Variants in EVL observed in about 807,000 individuals in gnomAD.
EVL encodes ena/VASP-like protein.
A neutral mutation model predicts 59.6 loss-of-function variants in EVL; 21 were observed. The observed-to-expected ratio is 0.35, with a 90% confidence interval of 0.25 to 0.51. The LOEUF is 0.51. Among genes scored for constraint, EVL ranks in the 20% least tolerant of loss-of-function variants. EVL has a pLI of 0.97. For missense variants in EVL, 462 were observed against 546.6 expected (o/e 0.85, Z 1.54); for synonymous variants, 198 against 203.5 (o/e 0.97, Z 0.23).
chr14:100,067,232 C>G (rs2061949753), intron 1 of EVL, among the ~76,000 whole-genome samples: 1 of 152,194 alleles, frequency 6.6e-6, no homozygotes, highest in Non-Finnish European at 1.5e-5. Context: ...GAGCTGTGAA[C>G]TTTTCGTTTT....
At chr14:100,006,009 T>TC (rs58699616) in intron 1 of EVL, among the ~76,000 whole-genome samples, 3,638 of 114,460 alleles carry the variant, frequency 0.032, 109 homozygotes, top group South Asian at 0.052. Context: ...GCTGGCCATT[T>TC]CCCCCCCCCC....
In EVL at chr14:100,114,300, G is replaced by A. The variant is rs1444445535; in HGVS notation, c.359-9239G>A. ...CTCTGCACACTTGCTCCCTTCTGACGCCACACCTACCCTGTTCCATCCCAT... is the reference window on the plus strand; with the variant it reads ...CTCTGCACACTTGCTCCCTTCTGACACCACACCTACCCTGTTCCATCCCAT... On this transcript the variant is annotated intron_variant, in intron 3 of 13. Coordinates refer to ENST00000392920, the MANE Select transcript of EVL (RefSeq NM_016337.3). The surrounding 1 kb of genome is among the most constrained non-coding windows in gnomAD (Gnocchi z 5.0). Among the ~76,000 whole-genome samples the A allele has an allele frequency of 6.6e-6, 1 of 152,002 alleles. No homozygotes were observed. The highest frequency in any genetic ancestry group is 2.4e-5 in the African/African-American group (1 of 41,392).
chr14:100,075,444 T>G, intron 1 of EVL, among the ~76,000 whole-genome samples: 1 of 152,248 alleles, frequency 6.6e-6, no homozygotes, highest in East Asian at 1.9e-4. Context: ...AAGTCAGGAC[T>G]TTACAAACTG....
intron 3 of EVL, among the ~76,000 whole-genome samples, chr14:100,098,242 AGAGCCGCCAAGG>A (rs1360402872): frequency 6.6e-6 from 1 of 152,240 alleles, no homozygotes; most frequent in African/African-American, 2.4e-5. Flanking sequence ...ACTGCCCTTC[AGAGCCGCCAAGG>A]GAGACCTCCA....
chr14:100,022,644 A>T (rs1420545831), intron 1 of EVL, among the ~76,000 whole-genome samples: 1 of 152,146 alleles, frequency 6.6e-6, no homozygotes, highest in Non-Finnish European at 1.5e-5. Context: ...TTGGACTATG[A>T]ATTCCATGAG....
chr14:100,092,789 T>C (rs796947529), intron 2 of EVL, among the ~76,000 whole-genome samples: 48 of 152,132 alleles, frequency 3.2e-4, no homozygotes, highest in African/African-American at 1.1e-3. Flanking sequence ...TGCGGTAACA[T>C]GGTGAATCTC....
At chr14:100,107,375 G>A in intron 3 of EVL, 1 of 398,320 alleles carries the variant, frequency 2.5e-6, no homozygotes, top group East Asian at 3.6e-5. Context: ...CTAGGCCGGG[G>A]TAGGGCCAGT....
intron 1 of EVL, among the ~76,000 whole-genome samples, chr14:100,007,530 T>G (rs1404612182): frequency 1.3e-5 from 2 of 152,348 alleles, no homozygotes; most frequent in South Asian, 4.1e-4. Flanking sequence ...ACTCACATCA[T>G]GGCACTCATG....
intron 1 of EVL, among the ~76,000 whole-genome samples, chr14:100,017,704 A>G (rs565123330): frequency 6.6e-6 from 1 of 152,234 alleles, no homozygotes; most frequent in East Asian, 1.9e-4. Context: ...TCCTGTTATT[A>G]TGATTCTGCC....
chr14:100,130,918 G>A lies in EVL; in HGVS notation c.839+1234G>A, dbSNP rs1595240319. Among the ~76,000 whole-genome samples the A allele has an allele frequency of 6.6e-6, 1 of 152,368 alleles. No individual in the cohort carries two copies. The highest frequency in any genetic ancestry group is 6.5e-5 in the Admixed American group (1 of 15,306). On this transcript the variant is annotated intron_variant, in intron 7 of 13. Transcript: ENST00000392920. This position sits in a 1 kb window ranked among gnomAD's most constrained non-coding sequence, Gnocchi z 4.8. Reference sequence around the variant, plus strand: ...GTTTCCTGTGAGAGTAAGTCCAGGTGTGTGGGGCTTACAGTGGCCACACAA... The same window carrying A: ...GTTTCCTGTGAGAGTAAGTCCAGGTATGTGGGGCTTACAGTGGCCACACAA...
In EVL at chr14:99,972,596, A is replaced by G. The variant is rs2060741884; in HGVS notation, c.5+539A>G. On this transcript the variant is annotated intron_variant, in intron 1 of 13. Coordinates refer to the EVL transcript ENST00000402714. The surrounding 1 kb of genome is among the most constrained non-coding windows in gnomAD (Gnocchi z 4.4). ...CAACCCCTTCGTCTCCTAATTCTCA[A>G]CCCCCCTTTTTTTTCTTCTTGCACG... 6.7e-6 allele frequency among the ~76,000 whole-genome samples: 1 copy of G among 148,936 alleles called. No homozygotes were observed. Among genetic ancestry groups the G allele is most frequent in the Non-Finnish European group, 1.5e-5 (1 of 67,204 alleles).
intron 1 of EVL, among the ~76,000 whole-genome samples, chr14:100,081,392 C>G (rs575775839): frequency 6.6e-6 from 1 of 151,614 alleles, no homozygotes; most frequent in Admixed American, 6.6e-5. Flanking sequence ...TATTTTCTTG[C>G]ATTTAGGTTT....
chr14:100,083,171 C>G (rs1245993516), intron 1 of EVL, among the ~76,000 whole-genome samples: 1 of 152,212 alleles, frequency 6.6e-6, no homozygotes. Context: ...CAAGACCATG[C>G]TGCATCTCAG....
intron 3 of EVL, among the ~76,000 whole-genome samples, chr14:100,103,787 C>G (rs1369195314): frequency 6.6e-6 from 1 of 152,176 alleles, no homozygotes; most frequent in Non-Finnish European, 1.5e-5. Context: ...ATCCCAGCGC[C>G]CATCACAGTG....
chr14:100,065,659 G>C, intron 1 of EVL, 148 bp downstream of exon 1: 1 of 397,650 alleles, frequency 2.5e-6, no homozygotes. Context: ...CTTACATGAG[G>C]TTACACAGCA....
intron 1 of EVL, among the ~76,000 whole-genome samples, chr14:99,979,787 C>T (rs971201248): frequency 1.3e-5 from 2 of 152,126 alleles, no homozygotes; most frequent in East Asian, 1.9e-4. Context: ...GAGAATGGTG[C>T]GAACCCGGGA....
intron 1 of EVL, among the ~76,000 whole-genome samples, chr14:100,022,747 T>C (rs1595572125): frequency 6.6e-6 from 1 of 152,326 alleles, no homozygotes; most frequent in Non-Finnish European, 1.5e-5. Flanking sequence ...AATGAGCAGT[T>C]GGTACAGTGC....
At chr14:100,048,301 A>G (rs934968161) in intron 1 of EVL, among the ~76,000 whole-genome samples, 1 of 152,272 alleles carries the variant, frequency 6.6e-6, no homozygotes, top group African/African-American at 2.4e-5. Flanking sequence ...AAACTTAACT[A>G]TAAGAAAGTA....
chr14:100,101,287 A>G (rs1886204838), intron 3 of EVL, among the ~76,000 whole-genome samples: 1 of 152,182 alleles, frequency 6.6e-6, no homozygotes, highest in South Asian at 2.1e-4. Context: ...GAGTTCCAAG[A>G]CCAGCCTGAC....
Sources: gnomAD v4.1 joint callset for allele counts (sites outside exome capture counted in the v4.1 genomes callset) on GRCh38, gnomAD v4.1.1 for gene constraint, Gnocchi (gnomAD v3.1) non-coding constraint, MANE v1.5 for transcripts, NCBI Gene and HGNC (gene_info 2026-07-23, HGNC 2026-07-21) for gene names.